CRB3: variants seen among roughly 807,000 people sequenced by gnomAD.
The protein encoded by CRB3 is protein crumbs homolog 3.
CRB3 carries 4 observed loss-of-function variants against 10.4 expected under a neutral mutation model. That is an observed-to-expected ratio of 0.39 (90% confidence interval 0.19 to 0.88). The LOEUF (loss-of-function observed/expected upper bound fraction) is 0.88, where lower values mean the gene tolerates loss of function less well. Among genes scored for constraint, CRB3 ranks in the 40% least tolerant of loss-of-function variants. The pLI, the probability that CRB3 is intolerant of heterozygous loss-of-function variation, is 0.39. For synonymous variants in CRB3, 74 were observed against 73.4 expected, an observed-to-expected ratio of 1.01 and a Z score of -0.04; for missense variants, 154 against 160.2, an observed-to-expected ratio of 0.96 and a Z score of 0.21.
At chr19:6,465,231 A>G in intron 2 of CRB3, 1 of 368,766 alleles carries the variant, frequency 2.7e-6, no homozygotes, top group South Asian at 5.0e-5. Flanking sequence ...TGTGAGTCAG[A>G]CACTCCAGGG....
chr19:6,464,162 T>C (rs868751300), upstream of CRB3: 1 of 152,290 alleles, frequency 6.6e-6, no homozygotes, highest in East Asian at 1.9e-4. The surrounding 1 kb of genome is among the most constrained non-coding windows in gnomAD (Gnocchi z 5.3). Context: ...CCTTCTTGAC[T>C]CCGCCCTCTC....
chr19:6,464,841 G>C lies in CRB3; in HGVS notation c.82+58G>C. On this transcript the variant is annotated intron_variant, in intron 2 of 3. Coordinates refer to ENST00000600229, the MANE Select transcript of CRB3 (RefSeq NM_139161.5). The surrounding 1 kb of genome is among the most constrained non-coding windows in gnomAD (Gnocchi z 5.3). Reference sequence around the variant, plus strand: ...GGTCTGGATTCCTGGATCTCTGCTGGGGACGTGGCTTAGAAGCGCTGGGTA... The same window carrying C: ...GGTCTGGATTCCTGGATCTCTGCTGCGGACGTGGCTTAGAAGCGCTGGGTA... 1 of 1,078,600 alleles carries C rather than the reference G, an allele frequency of 9.3e-7. No individual in the cohort carries two copies. Among genetic ancestry groups the C allele is most frequent in the Non-Finnish European group, 1.2e-6 (1 of 845,112 alleles). 66.8% of individuals were successfully genotyped at this position (1,078,600 alleles called of 1,614,324 possible). A position where few individuals can be genotyped will look rare whatever the true frequency, so the allele number is the denominator to read the frequency against.
upstream of CRB3, chr19:6,464,059 C>T (rs1216859368): frequency 6.6e-6 from 1 of 152,288 alleles, no homozygotes; most frequent in Non-Finnish European, 1.5e-5. This position sits in a 1 kb window ranked among gnomAD's most constrained non-coding sequence, Gnocchi z 5.3. Context: ...TAAGGTCCCC[C>T]TCACACCTGC....
chr19:6,464,845 C>T lies in CRB3; in HGVS notation c.82+62C>T, dbSNP rs149930530. The T allele has an allele frequency of 5.2e-4, 553 of 1,057,654 alleles. No homozygotes were observed. The highest frequency in any genetic ancestry group is 6.4e-4 in the Non-Finnish European group (533 of 826,554). 65.5% of individuals were successfully genotyped at this position (1,057,654 alleles called of 1,614,324 possible). On this transcript the variant is annotated intron_variant, in intron 2 of 3. Coordinates refer to ENST00000600229, the MANE Select transcript of CRB3 (RefSeq NM_139161.5). The surrounding 1 kb of genome is among the most constrained non-coding windows in gnomAD (Gnocchi z 5.3). The stretch of plus-strand genomic sequence containing the variant: ...TGGATTCCTGGATCTCTGCTGGGGA[C>T]GTGGCTTAGAAGCGCTGGGTATCTG...
At position 6,466,447 on chromosome 19, in the gene CRB3, A is replaced by AC. The variant is rs759848751; in HGVS notation, c.157-17dup. 1 of 1,611,464 alleles carries AC rather than the reference A, an allele frequency of 6.2e-7. No homozygotes were observed. The highest frequency in any genetic ancestry group is 2.2e-5 in the East Asian group (1 of 44,864). On this transcript the variant is annotated intron_variant, in intron 3 of 3. Coordinates refer to ENST00000600229, the MANE Select transcript of CRB3 (RefSeq NM_139161.5). The surrounding 1 kb of genome is among the most constrained non-coding windows in gnomAD (Gnocchi z 4.9). The stretch of plus-strand genomic sequence containing the variant: ...GGCTACCCAGGCTCAGGTGATTCAC[A>AC]CCTGTCCCCTCTCTGCAGCGTCCAG...
In CRB3 at chr19:6,466,589, C is replaced by G. The variant is rs750194252; in HGVS notation, c.280C>G (p.Arg94Gly). 2 of 1,609,166 alleles carry G rather than the reference C, an allele frequency of 1.2e-6. No individual in the cohort carries two copies. The highest frequency in any genetic ancestry group is 3.3e-4 in the Middle Eastern group (2 of 6,018). Residue 94 changes from arginine (R) to glycine (G), a missense_variant, in exon 4 of 4, where the codon CGG becomes GGG. Arg to Gly is a moderately radical substitution (Grantham distance 125). Coordinates refer to ENST00000600229, the MANE Select transcript of CRB3 (RefSeq NM_139161.5). This position sits in a 1 kb window ranked among gnomAD's most constrained non-coding sequence, Gnocchi z 4.9. ...GAAGCGGCAGACGGAGGGCACCTAC[C>G]GGCCCAGTAGCGAGGAGCAGGTGGG... ...REKRQTEGTY[R>G]PSSEEQVGAR...
Position 6,465,580 on chromosome 19 carries a change from T to C in CRB3, c.118T>C (p.Leu40=), listed in dbSNP as rs1316079519. 6.2e-7 allele frequency: 1 copy of C among 1,613,926 alleles called. No homozygotes were observed. Among genetic ancestry groups the C allele is most frequent in the Non-Finnish European group, 8.5e-7 (1 of 1,179,974 alleles). Residue 40 remains leucine, a synonymous_variant, in exon 3 of 4, where the codon TTG becomes CTG. Coordinates refer to ENST00000600229, the MANE Select transcript of CRB3 (RefSeq NM_139161.5). ...TTSANENSTV[L]PSSTSSSSDG... ...TTCTGCAAATGAGAATAGCACTGTT[T>C]TGCCTTCATCCACCAGCTCCAGCTC...
rs1568390438 is a variant in CRB3 at position 6,467,037 on chromosome 19, ATC to A, written c.*367_*368del. 5 of 1,611,204 alleles carry A rather than the reference ATC, an allele frequency of 3.1e-6. No homozygotes were observed. On this transcript the variant is annotated 3_prime_UTR_variant, in exon 4 of 4. Coordinates refer to ENST00000600229, the MANE Select transcript of CRB3 (RefSeq NM_139161.5). ...TGCCCATCTAGGTCCCCTCTCCTGC[ATC>A]TGTCTCCCTTCATTGCTGTGTGACC...
At position 6,466,878 on chromosome 19, in the gene CRB3, A is replaced by AC; in HGVS notation, c.*212dup. The AC allele has an allele frequency of 1.3e-6, 2 of 1,580,746 alleles. No individual in the cohort carries two copies. Among genetic ancestry groups the AC allele is most frequent in the Non-Finnish European group, 8.6e-7 (1 of 1,161,296 alleles). ...CTCAGGGTGCTGGGGCTCGGGACCC[A>AC]CCCCCCTGCTTGCGGAACCAACTTT... On this transcript the variant is annotated 3_prime_UTR_variant, in exon 4 of 4. Coordinates refer to ENST00000600229, the MANE Select transcript of CRB3 (RefSeq NM_139161.5). This position sits in a 1 kb window ranked among gnomAD's most constrained non-coding sequence, Gnocchi z 4.9.
rs530547465 is a variant in CRB3 at position 6,466,138 on chromosome 19, T to C, written c.157-328T>C. 2.9e-4 allele frequency among the ~76,000 whole-genome samples: 44 copies of C among 151,426 alleles called. 1 individual carries two copies. The South Asian group carries it at 9.0e-3, about 31-fold the overall frequency. ...ATTGCTTGAGCCCAGAAGGCGGAGG[T>C]TGCAGTGAGCCGAGATTGTGACACT... On this transcript the variant is annotated intron_variant, in intron 3 of 3. Coordinates refer to ENST00000600229, the MANE Select transcript of CRB3 (RefSeq NM_139161.5). The surrounding 1 kb of genome is among the most constrained non-coding windows in gnomAD (Gnocchi z 4.9).
At position 6,466,611 on chromosome 19, in the gene CRB3, T is replaced by C. The variant is rs2092795829; in HGVS notation, c.302T>C (p.Val101Ala). The change falls in exon 4 of 4, where the codon GTG (valine) becomes GCG (alanine). Residue 101 changes from valine to alanine, a missense_variant. Val to Ala is a moderately conservative substitution (Grantham distance 64). Transcript: ENST00000600229. The surrounding 1 kb of genome is among the most constrained non-coding windows in gnomAD (Gnocchi z 4.9). ...GTYRPSSEEQ[V>A]GARVPPTPNL... Reference sequence around the variant, plus strand: ...TACCGGCCCAGTAGCGAGGAGCAGGTGGGTGCCCGCGTGCCACCGACCCCC... The same window carrying C: ...TACCGGCCCAGTAGCGAGGAGCAGGCGGGTGCCCGCGTGCCACCGACCCCC... 1 of 1,605,890 alleles carries C rather than the reference T, an allele frequency of 6.2e-7. No homozygotes were observed. Among genetic ancestry groups the C allele is most frequent in the Non-Finnish European group, 8.5e-7 (1 of 1,179,878 alleles).
Position 6,464,853 on chromosome 19 carries a change from A to G in CRB3, c.82+70A>G, listed in dbSNP as rs1299194061. Reference sequence around the variant, plus strand: ...TGGATCTCTGCTGGGGACGTGGCTTAGAAGCGCTGGGTATCTGGGGCGCAG... The same window carrying G: ...TGGATCTCTGCTGGGGACGTGGCTTGGAAGCGCTGGGTATCTGGGGCGCAG... On this transcript the variant is annotated intron_variant, in intron 2 of 3. Coordinates refer to ENST00000600229, the MANE Select transcript of CRB3 (RefSeq NM_139161.5). The surrounding 1 kb of genome is among the most constrained non-coding windows in gnomAD (Gnocchi z 5.3). The G allele has an allele frequency of 5.2e-6, 5 of 958,640 alleles. No individual in the cohort carries two copies. The South Asian group carries it at 2.1e-4, about 41-fold the overall frequency. The allele number at this position is 958,640 out of a possible 1,614,324, so 59.4% of individuals were successfully genotyped here. A position where few individuals can be genotyped will look rare whatever the true frequency, so the allele number is the denominator to read the frequency against.
At chr19:6,465,098 G>A in intron 2 of CRB3, 1 of 316,254 alleles carries the variant, frequency 3.2e-6, no homozygotes, top group Non-Finnish European at 5.8e-6. Context: ...TTGGTATAGT[G>A]CAGGTGTTTT....
intron 3 of CRB3, among the ~76,000 whole-genome samples, chr19:6,465,904 G>T (rs1484792341): frequency 6.6e-6 from 1 of 152,070 alleles, no homozygotes; most frequent in Non-Finnish European, 1.5e-5. Context: ...TAGATGTGAT[G>T]AAAGCAGGAG....
Position 6,466,884 on chromosome 19 carries a change from CT to C in CRB3, c.*213del. ...GTGCTGGGGCTCGGGACCCACCCCC[CT>C]GCTTGCGGAACCAACTTTTCTCTGT... is the stretch of plus-strand genomic sequence containing the variant. On this transcript the variant is annotated 3_prime_UTR_variant, in exon 4 of 4. Transcript: ENST00000600229. This position sits in a 1 kb window ranked among gnomAD's most constrained non-coding sequence, Gnocchi z 4.9. 1 of 1,585,086 alleles carries C rather than the reference CT, an allele frequency of 6.3e-7. No individual in the cohort carries two copies.
In CRB3 at chr19:6,467,178, A is replaced by G; in HGVS notation, c.*506A>G. On this transcript the variant is annotated 3_prime_UTR_variant, in exon 4 of 4. Transcript: ENST00000600229. ...AGGTCAAGAGAGGATGGGGCTATTCACTTTTATATATTTATATAAAATTAG... is the reference window on the plus strand; with the variant it reads ...AGGTCAAGAGAGGATGGGGCTATTCGCTTTTATATATTTATATAAAATTAG... 1.7e-6 allele frequency: 1 copy of G among 572,678 alleles called. No homozygotes were observed. The highest frequency in any genetic ancestry group is 2.9e-6 in the Non-Finnish European group (1 of 340,300). 35.5% of individuals were successfully genotyped at this position (572,678 alleles called of 1,614,324 possible).
chr19:6,466,427 C>G lies in CRB3; in HGVS notation c.157-39C>G. The stretch of plus-strand genomic sequence containing the variant: ...CATTCAGGTGGAGGTGGACAGGCTA[C>G]CCAGGCTCAGGTGATTCACACCTGT... On this transcript the variant is annotated intron_variant, in intron 3 of 3. Transcript: ENST00000600229. The surrounding 1 kb of genome is among the most constrained non-coding windows in gnomAD (Gnocchi z 4.9). 1.9e-6 allele frequency: 3 copies of G among 1,585,280 alleles called. No individual in the cohort carries two copies. Among genetic ancestry groups the G allele is most frequent in the Non-Finnish European group, 2.6e-6 (3 of 1,156,326 alleles).
Position 6,466,377 on chromosome 19 carries a change from G to A in CRB3, c.157-89G>A, listed in dbSNP as rs2092794370. On this transcript the variant is annotated intron_variant, in intron 3 of 3. Coordinates refer to ENST00000600229, the MANE Select transcript of CRB3 (RefSeq NM_139161.5). The surrounding 1 kb of genome is among the most constrained non-coding windows in gnomAD (Gnocchi z 4.9). ...TGTGTATGTGTGTGTGTGTGTTGTGGGGTAGGGGGTGATGAGGGGGATGCC... is the reference window on the plus strand; with the variant it reads ...TGTGTATGTGTGTGTGTGTGTTGTGAGGTAGGGGGTGATGAGGGGGATGCC... The A allele has an allele frequency of 9.8e-7, 1 of 1,025,154 alleles. No individual in the cohort carries two copies. The highest frequency in any genetic ancestry group is 1.5e-6 in the Non-Finnish European group (1 of 662,170). 63.5% of individuals were successfully genotyped at this position (1,025,154 alleles called of 1,614,324 possible).
In CRB3 at chr19:6,466,632, C is replaced by A. The variant is rs2092796088; in HGVS notation, c.323C>A (p.Thr108Asn). 1 of 1,603,456 alleles carries A rather than the reference C, an allele frequency of 6.2e-7. No homozygotes were observed. The highest frequency in any genetic ancestry group is 1.7e-5 in the Admixed American group (1 of 59,978). ...EEQVGARVPP[T>N]PNLKLPPEER... ...CAGGTGGGTGCCCGCGTGCCACCGA[C>A]CCCCAACCTCAAGTTGCCGCCGGAA... The change falls in exon 4 of 4, where the codon ACC becomes AAC. Residue 108 changes from threonine (T) to asparagine (N), a missense_variant. By Grantham distance (65) the Thr-to-Asn change is moderately conservative (BLOSUM62 0). Coordinates refer to ENST00000600229, the MANE Select transcript of CRB3 (RefSeq NM_139161.5). The surrounding 1 kb of genome is among the most constrained non-coding windows in gnomAD (Gnocchi z 4.9).
Sources: gnomAD v4.1 joint callset for allele counts (sites outside exome capture counted in the v4.1 genomes callset) on GRCh38, gnomAD v4.1.1 for gene constraint, Gnocchi (gnomAD v3.1) non-coding constraint, MANE v1.5 for transcripts, NCBI Gene and HGNC (gene_info 2026-07-23, HGNC 2026-07-21) for gene names.